Variants in VWDE observed in about 807,000 individuals in gnomAD.
The protein encoded by VWDE is von Willebrand factor D and EGF domain-containing protein.
VWDE carries 207 observed loss-of-function variants against 178.4 expected under a neutral mutation model. That is an observed-to-expected ratio of 1.16 (90% CI 1.04 to 1.30). The LOEUF (loss-of-function observed/expected upper bound fraction) is 1.30, where lower values mean the gene tolerates loss of function less well. VWDE is among the 50% of genes most tolerant of loss of function. The pLI, the probability that VWDE is intolerant of heterozygous loss-of-function variation, is 0.00. For missense variants in VWDE, 2,287 were observed against 1,901.3 expected (o/e 1.20, Z -3.77); for synonymous variants, 738 against 651.4 (o/e 1.13, Z -2.02).
Position 12,337,196 on chromosome 7 carries a change from A to T in VWDE, c.4443T>A (p.Thr1481=). The change falls in exon 25 of 29, where the codon ACT becomes ACA. Residue 1481 remains threonine (T), a synonymous_variant. Coordinates refer to ENST00000275358, the MANE Select transcript of VWDE (RefSeq NM_001135924.3). ...TCTTACTTTTTTGGAATCTCCTACC[A>T]GTGTATCCTTCACGACAGACGCACA... ...NNVCVCREGY[T]GRRFQKSICD... The T allele has an allele frequency of 3.2e-6, 5 of 1,551,928 alleles. No homozygotes were observed. Among genetic ancestry groups the T allele is most frequent in the Non-Finnish European group, 4.4e-6 (5 of 1,146,998 alleles).
chr7:12,370,376 A>T lies in VWDE; in HGVS notation c.1930T>A (p.Ser644Thr). 6.4e-7 allele frequency: 1 copy of T among 1,550,792 alleles called. No individual in the cohort carries two copies. The highest frequency in any genetic ancestry group is 8.7e-7 in the Non-Finnish European group (1 of 1,146,832). Reference sequence around the variant, plus strand: ...TCTTTGCAACCCAAGGCAATTTCTGATCGAGAAACACTGTCCAGATCTTCG... The same window carrying T: ...TCTTTGCAACCCAAGGCAATTTCTGTTCGAGAAACACTGTCCAGATCTTCG... ...SSEDLDSVSR[S>T]EIALGCKDLN... Residue 644 changes from serine to threonine, a missense_variant, in exon 12 of 29, where the codon TCA becomes ACA. Transcript: ENST00000275358.
At chr7:12,379,358 G>A (rs1783708965) in intron 6 of VWDE, 119 bp downstream of exon 6, 2 of 578,322 alleles carry the variant, frequency 3.5e-6, no homozygotes, top group Non-Finnish European at 5.5e-6. Context: ...GGGACTCATG[G>A]GTCTCAACAT....
intron 13 of VWDE, 118 bp from the exon 14 acceptor site, chr7:12,361,639 T>C: frequency 2.1e-6 from 2 of 939,040 alleles, no homozygotes; most frequent in Non-Finnish European, 3.0e-6. Flanking sequence ...ATGTAATATA[T>C]AACAGGGAAA....
At chr7:12,337,430 A>T (rs945667413) in intron 24 of VWDE, among the ~76,000 whole-genome samples, 158 bp from the exon 25 acceptor site, 1 of 152,346 alleles carries the variant, frequency 6.6e-6, no homozygotes, top group African/African-American at 2.4e-5. Flanking sequence ...CTAAATCATG[A>T]AATGCAATGC....
chr7:12,383,263 C>G (rs1367257850), intron 4 of VWDE, among the ~76,000 whole-genome samples: 2 of 152,068 alleles, frequency 1.3e-5, no homozygotes, highest in Non-Finnish European at 2.9e-5. Flanking sequence ...TACAAACACA[C>G]ATGGAGTTTT....
At chr7:12,346,196 G>T (rs1022604207) in intron 19 of VWDE, among the ~76,000 whole-genome samples, 2 of 152,046 alleles carry the variant, frequency 1.3e-5, no homozygotes, top group East Asian at 3.8e-4. Context: ...AAAAGTCAAA[G>T]TACAATAATT....
At chr7:12,366,191 T>G (rs946949008) in intron 13 of VWDE, among the ~76,000 whole-genome samples, 11 of 152,224 alleles carry the variant, frequency 7.2e-5, no homozygotes, top group African/African-American at 2.6e-4. Context: ...ATAAATTACC[T>G]AGTCTCAGGT....
At chr7:12,333,636 G>C (rs987840079) in intron 27 of VWDE, 68 bp from the exon 28 acceptor site, 34 of 1,066,064 alleles carry the variant, frequency 3.2e-5, no homozygotes, top group Non-Finnish European at 4.7e-5. Context: ...TTCTATCCTA[G>C]TGGTCTGGGG....
intron 13 of VWDE, among the ~76,000 whole-genome samples, chr7:12,367,052 CTTCT>C (rs1428092613): frequency 1.3e-5 from 2 of 151,934 alleles, no homozygotes; most frequent in Non-Finnish European, 2.9e-5. Context: ...AACAATGTCT[CTTCT>C]TTATGTTTTT....
chr7:12,393,554 A>G (rs768321832), intron 2 of VWDE, 40 bp downstream of exon 2: 4 of 1,430,334 alleles, frequency 2.8e-6, no homozygotes, highest in African/African-American at 1.5e-5. Flanking sequence ...TGAAAAACAC[A>G]TAAGGAAAAT....
chr7:12,372,910 T>C, intron 10 of VWDE, 67 bp downstream of exon 10: 1 of 1,424,088 alleles, frequency 7.0e-7, no homozygotes, highest in South Asian at 1.3e-5. Context: ...GCTCCTAATT[T>C]AATAGAGATG....
At chr7:12,340,599 T>C (rs1781276157) in intron 23 of VWDE, among the ~76,000 whole-genome samples, 182 bp from the exon 24 acceptor site, 1 of 152,212 alleles carries the variant, frequency 6.6e-6, no homozygotes, top group Non-Finnish European at 1.5e-5. Flanking sequence ...GATAATCGCT[T>C]TGAAAGTATG....
chr7:12,387,574 C>A (rs1261953144), intron 3 of VWDE, among the ~76,000 whole-genome samples: 3 of 151,810 alleles, frequency 2.0e-5, no homozygotes, highest in Non-Finnish European at 4.4e-5. Context: ...TGTATACACA[C>A]ACACACACAT....
At chr7:12,331,713 C>G (rs569775306) in intron 28 of VWDE, among the ~76,000 whole-genome samples, 1 of 152,054 alleles carries the variant, frequency 6.6e-6, no homozygotes, top group Non-Finnish European at 1.5e-5. Context: ...CTATTAATGC[C>G]ATATTGCAGA....
intron 1 of VWDE, among the ~76,000 whole-genome samples, chr7:12,401,457 A>C (rs1407992178): frequency 1.3e-5 from 2 of 152,166 alleles, no homozygotes; most frequent in South Asian, 4.1e-4. Context: ...CAATAAGAAA[A>C]AGGCCAAGTA....
At chr7:12,391,940 A>G (rs848007) in intron 2 of VWDE, among the ~76,000 whole-genome samples, 8,766 of 152,268 alleles carry the variant, frequency 0.058, 332 homozygotes, top group Middle Eastern at 0.11. Context: ...ACACCCAAAA[A>G]GTGTATAATT....
intron 19 of VWDE, 133 bp downstream of exon 19, chr7:12,351,440 T>A: frequency 1.0e-6 from 1 of 964,806 alleles, no homozygotes; most frequent in Non-Finnish European, 1.4e-6. Flanking sequence ...AGGATAAATT[T>A]TAAACCGCAT....
chr7:12,386,970 T>A (rs1050038265), intron 3 of VWDE, among the ~76,000 whole-genome samples: 28 of 152,160 alleles, frequency 1.8e-4, no homozygotes, highest in Admixed American at 1.8e-3. Context: ...ATACTGCCAA[T>A]AAATACCTAT....
chr7:12,398,894 G>A (rs1784751374), intron 1 of VWDE, among the ~76,000 whole-genome samples: 1 of 152,100 alleles, frequency 6.6e-6, no homozygotes, highest in Non-Finnish European at 1.5e-5. Flanking sequence ...GACTACTGAA[G>A]GGGGAAGGAA....
Sources: allele counts gnomAD v4.1 joint callset (sites outside exome capture counted in the v4.1 genomes callset), GRCh38; gene constraint gnomAD v4.1.1; transcripts MANE v1.5; gene names NCBI Gene and HGNC (gene_info 2026-07-23, HGNC 2026-07-21).